IAH1: variants seen among roughly 807,000 people sequenced by gnomAD.
IAH1 encodes the protein isoamyl acetate hydrolyzing esterase 1 (putative).
Under a neutral mutation model 26.7 loss-of-function variants are expected in IAH1, and 24 were observed. That is an observed-to-expected ratio of 0.90 (90% CI 0.65 to 1.26). The LOEUF (loss-of-function observed/expected upper bound fraction) is 1.26, where lower values mean the gene tolerates loss of function less well. Among genes scored for constraint, IAH1 ranks in the 50% most tolerant of loss-of-function variants. The pLI, the probability that IAH1 is intolerant of heterozygous loss-of-function variation, is 0.00. For missense variants in IAH1, 300 were observed against 299.9 expected, an observed-to-expected ratio of 1.00 and a Z score of 0.00; for synonymous variants, 140 against 118.5, an observed-to-expected ratio of 1.18 and a Z score of -1.18.
downstream of IAH1, among the ~76,000 whole-genome samples, chr2:9,501,287 T>G (rs555202049): frequency 1.3e-5 from 2 of 152,298 alleles, no homozygotes; most frequent in Admixed American, 1.3e-4. Context: ...TACTTTATAC[T>G]CATCATGCTA....
At chr2:9,511,746 G>C in the IAH1 span, among the ~76,000 whole-genome samples, 1 of 152,050 alleles carries the variant, frequency 6.6e-6, no homozygotes, top group Non-Finnish European at 1.5e-5. Context: ...CAAGGCAGCT[G>C]GATCACTTGA....
downstream of IAH1, chr2:9,490,573 C>T (rs1457833318): frequency 4.7e-6 from 7 of 1,499,324 alleles, no homozygotes; most frequent in East Asian, 1.7e-4. Context: ...ATCGGAGGTC[C>T]TCACAGCTCC....
At chr2:9,504,879 CTTAT>C in the IAH1 span, among the ~76,000 whole-genome samples, 1 of 151,354 alleles carries the variant, frequency 6.6e-6, no homozygotes. Flanking sequence ...TTCTTCTTTT[CTTAT>C]TTGTTTTTTG....
chr2:9,505,123 TG>T, the IAH1 span: 4 of 1,603,470 alleles, frequency 2.5e-6, no homozygotes, highest in Non-Finnish European at 3.4e-6. Context: ...TTGGACATCT[TG>T]TTATACCAAC....
At chr2:9,496,733 T>C (rs537816648), downstream of IAH1, among the ~76,000 whole-genome samples, 1 of 152,336 alleles carries the variant, frequency 6.6e-6, no homozygotes, top group African/African-American at 2.4e-5. Context: ...AGGAGTATCC[T>C]AGTTCCATGC....
At position 9,474,695 on chromosome 2, in the gene IAH1, G is replaced by T; in HGVS notation, c.81+48G>T. ...CCTCCCGCCCCGGCCTCCCTGCGGG[G>T]TCGCTGCCGAGCAGGCCGAGGCTCC... On this transcript the variant is annotated intron_variant, in intron 1 of 5. Coordinates refer to ENST00000497473, the MANE Select transcript of IAH1 (RefSeq NM_001039613.3). This position sits in a 1 kb window ranked among gnomAD's most constrained non-coding sequence, Gnocchi z 4.3. The T allele has an allele frequency of 7.1e-7, 1 of 1,416,482 alleles. No homozygotes were observed. Among genetic ancestry groups the T allele is most frequent in the Non-Finnish European group, 9.5e-7 (1 of 1,047,994 alleles). The allele number at this position is 1,416,482 out of a possible 1,614,324, so 87.7% of individuals were successfully genotyped here.
chr2:9,505,024 T>G, the IAH1 span: 1 of 936,340 alleles, frequency 1.1e-6, no homozygotes. Flanking sequence ...TTTCTTGCTG[T>G]GAAGGGCAAA....
downstream of IAH1, among the ~76,000 whole-genome samples, chr2:9,500,726 A>T (rs1662948475): frequency 6.6e-6 from 1 of 152,212 alleles, no homozygotes; most frequent in East Asian, 1.9e-4. Flanking sequence ...CGCAAGGGTA[A>T]AAAAGGAACA....
At chr2:9,490,929 G>A (rs186278460), downstream of IAH1, among the ~76,000 whole-genome samples, 3 of 152,262 alleles carry the variant, frequency 2.0e-5, no homozygotes, top group African/African-American at 4.8e-5. Flanking sequence ...GCAACTAATC[G>A]AAGTTCACCA....
the IAH1 span, chr2:9,505,268 G>C: frequency 6.2e-7 from 1 of 1,614,032 alleles, no homozygotes; most frequent in African/African-American, 1.3e-5. Flanking sequence ...ATCCACCCTC[G>C]AGTTCCCACA....
the IAH1 span, chr2:9,505,259 T>C: frequency 6.2e-7 from 1 of 1,614,178 alleles, no homozygotes; most frequent in Non-Finnish European, 8.5e-7. Context: ...TTCTCCTTCA[T>C]CCACCCTCGA....
At chr2:9,512,374 G>A in the IAH1 span, 1 of 152,108 alleles carries the variant, frequency 6.6e-6, no homozygotes, top group African/African-American at 2.4e-5. Context: ...TTAAGAAGTT[G>A]TGACTCCAAA....
At position 9,488,315 on chromosome 2, in the gene IAH1, G is replaced by A; in HGVS notation, c.733G>A (p.Asp245Asn). ...EAKPELSLLG[D>N]GDH ...AAAACCTGAATTAAGTCTGCTGGGA[G>A]ATGGAGACCATTAGCCAATCACAGG... Residue 245 changes from aspartate (D) to asparagine (N), a missense_variant, in exon 6 of 6, where the codon GAT (aspartate) becomes AAT (asparagine). Physicochemically the swap from Asp to Asn is conservative, Grantham distance 23. Transcript: ENST00000497473. 1.2e-6 allele frequency: 2 copies of A among 1,605,292 alleles called. No individual in the cohort carries two copies. The highest frequency in any genetic ancestry group is 2.2e-5 in the East Asian group (1 of 44,680).
At chr2:9,507,658 A>C in the IAH1 span, among the ~76,000 whole-genome samples, 24 of 152,212 alleles carry the variant, frequency 1.6e-4, no homozygotes, top group African/African-American at 5.8e-4. Context: ...ATTGATACAG[A>C]CTGGCAGCTC....
chr2:9,474,546 C>T (rs1019476992), upstream of IAH1: 6 of 1,435,402 alleles, frequency 4.2e-6, no homozygotes, highest in Non-Finnish European at 5.5e-6. This position sits in a 1 kb window ranked among gnomAD's most constrained non-coding sequence, Gnocchi z 4.3. Context: ...GCGGCCCCGC[C>T]CCGCCCCGCC....
intron 3 of IAH1, 85 bp downstream of exon 3, chr2:9,478,455 C>A: frequency 1.5e-6 from 2 of 1,302,826 alleles, no homozygotes; most frequent in South Asian, 1.5e-5. Context: ...CTTTTTTCAA[C>A]TGTTTACTTT....
chr2:9,496,451 G>A (rs1369921585), exon 7 of IAH1: 1 of 152,294 alleles, frequency 6.6e-6, no homozygotes, highest in African/African-American at 2.4e-5. Flanking sequence ...TTGAAAGCAA[G>A]AGAACTCCCT....
chr2:9,501,516 TG>T (rs1251563267), downstream of IAH1, among the ~76,000 whole-genome samples: 3 of 152,168 alleles, frequency 2.0e-5, no homozygotes, highest in Non-Finnish European at 4.4e-5. Flanking sequence ...ATGAAGGCAA[TG>T]GAAGTAGCTA....
At chr2:9,509,875 C>G in the IAH1 span, 1 of 1,447,888 alleles carries the variant, frequency 6.9e-7, no homozygotes, top group South Asian at 1.3e-5. Context: ...CACATCCATC[C>G]CTAGGGAAAC....
Sources: gnomAD v4.1 joint callset for allele counts (sites outside exome capture counted in the v4.1 genomes callset) on GRCh38, gnomAD v4.1.1 for gene constraint, Gnocchi (gnomAD v3.1) non-coding constraint, MANE v1.5 for transcripts, NCBI Gene and HGNC (gene_info 2026-07-23, HGNC 2026-07-21) for gene names.